Variants in GLCCI1 observed in about 807,000 individuals in gnomAD.
GLCCI1 encodes glucocorticoid induced 1, also known as glucocorticoid-induced transcript 1 protein.
A neutral mutation model predicts 52.2 loss-of-function variants in GLCCI1; 24 were observed. The ratio of observed to expected loss-of-function variants is 0.46; its 90% CI spans 0.33 to 0.65. The LOEUF is 0.65. Ranked by LOEUF, GLCCI1 falls within the 30% of genes least tolerant of loss-of-function variation. The pLI is 0.02. For synonymous variants in GLCCI1, 310 were observed against 276.5 expected (o/e 1.12, Z -1.20); for missense variants, 704 against 701.5 (o/e 1.00, Z -0.04).
At position 8,014,895 on chromosome 7, in the gene GLCCI1, T is replaced by C. The variant is rs116842399; in HGVS notation, c.610-7588T>C. ...TGGTATTATTATATTTGGTATTTTA[T>C]TGTTTTAAATTAATTTTTAAAAGTT... On this transcript the variant is annotated intron_variant, in intron 2 of 7. Coordinates refer to ENST00000223145, the MANE Select transcript of GLCCI1 (RefSeq NM_138426.4). Among the ~76,000 whole-genome samples, 1,030 of 152,332 alleles carry C rather than the reference T, an allele frequency of 6.8e-3. 27 individuals are homozygous for C. The East Asian group carries it at 0.084, about 12-fold the overall frequency.
At chr7:8,079,098 C>T (rs764918187) in intron 6 of GLCCI1, among the ~76,000 whole-genome samples, 9 of 151,906 alleles carry the variant, frequency 5.9e-5, no homozygotes, top group Non-Finnish European at 1.2e-4. Flanking sequence ...TTAGAAGTTC[C>T]AATGTTCTTT....
At chr7:7,987,622 C>T (rs188848943) in intron 1 of GLCCI1, among the ~76,000 whole-genome samples, 192 of 152,270 alleles carry the variant, frequency 1.3e-3, no homozygotes, top group Non-Finnish European at 2.2e-3. Context: ...GAGTCTCGCT[C>T]TGTTGCCCAG....
chr7:7,969,302 C>T lies in GLCCI1; in HGVS notation c.-49C>T. 2 of 1,381,724 alleles carry T rather than the reference C, an allele frequency of 1.4e-6. No individual in the cohort carries two copies. The highest frequency in any genetic ancestry group is 1.9e-6 in the Non-Finnish European group (2 of 1,059,866). 85.6% of individuals were successfully genotyped at this position (1,381,724 alleles called of 1,614,324 possible). On this transcript the variant is annotated 5_prime_UTR_variant, in exon 1 of 8. Transcript: ENST00000223145. The surrounding 1 kb of genome is among the most constrained non-coding windows in gnomAD (Gnocchi z 4.9). ...CTCCCACACGCTCGCGCGCCTCCCGCCCCGCGCCTCCGTGTCGGCCGGCGG... is the reference window on the plus strand; with the variant it reads ...CTCCCACACGCTCGCGCGCCTCCCGTCCCGCGCCTCCGTGTCGGCCGGCGG...
chr7:7,972,329 G>A (rs996233684), intron 1 of GLCCI1, among the ~76,000 whole-genome samples: 1 of 152,068 alleles, frequency 6.6e-6, no homozygotes, highest in Non-Finnish European at 1.5e-5. Context: ...GTGTATGTGT[G>A]TGTGTGTGTG....
chr7:8,056,485 A>G (rs1782400599), intron 4 of GLCCI1, among the ~76,000 whole-genome samples: 1 of 152,202 alleles, frequency 6.6e-6, no homozygotes, highest in Non-Finnish European at 1.5e-5. Context: ...CCTATTTTAC[A>G]TATGAAGAAA....
chr7:7,979,808 C>G (rs957288894), intron 1 of GLCCI1, among the ~76,000 whole-genome samples: 1 of 152,218 alleles, frequency 6.6e-6, no homozygotes, highest in Admixed American at 6.5e-5. Flanking sequence ...GTCTAAATAT[C>G]TGCTATTGCT....
intron 6 of GLCCI1, among the ~76,000 whole-genome samples, chr7:8,084,356 T>G (rs1783055574): frequency 6.6e-6 from 1 of 152,182 alleles, no homozygotes; most frequent in Non-Finnish European, 1.5e-5. Flanking sequence ...TCTGAGCAAA[T>G]TGTTTTTTAT....
In GLCCI1 at chr7:7,985,486, A is replaced by G. The variant is rs117908015; in HGVS notation, c.457+15679A>G. ...AAGATAAAACCAATGATGGGCACAC[A>G]TTTACCTGTGTAACAAACCTGCACG... On this transcript the variant is annotated intron_variant, in intron 1 of 7. Transcript: ENST00000223145. Among the ~76,000 whole-genome samples the G allele has an allele frequency of 1.5e-3, 229 of 152,212 alleles. 2 individuals are homozygous for G. The East Asian group carries it at 0.04, about 27-fold the overall frequency.
chr7:8,027,783 C>G (rs151333029), intron 3 of GLCCI1, among the ~76,000 whole-genome samples: 1 of 151,870 alleles, frequency 6.6e-6, no homozygotes, highest in Non-Finnish European at 1.5e-5. Context: ...GAAAGATATT[C>G]CATGCCAGTG....
chr7:7,971,911 T>A (rs1780361085), intron 1 of GLCCI1, among the ~76,000 whole-genome samples: 1 of 152,214 alleles, frequency 6.6e-6, no homozygotes, highest in African/African-American at 2.4e-5. Flanking sequence ...TTCTGCTGTT[T>A]TAAACACCAG....
chr7:7,988,277 T>G (rs37993), intron 1 of GLCCI1, among the ~76,000 whole-genome samples: 65,747 of 151,640 alleles, frequency 0.43, 14,497 homozygotes, highest in Middle Eastern at 0.52. Flanking sequence ...ATGAGCAGAG[T>G]TTTTTGTTTT....
chr7:8,030,159 AG>A (rs1315997885), intron 3 of GLCCI1, among the ~76,000 whole-genome samples: 2 of 152,204 alleles, frequency 1.3e-5, no homozygotes, highest in Non-Finnish European at 2.9e-5. Context: ...GAAGAGCTAT[AG>A]TAACCAAAAC....
chr7:8,057,891 C>T lies in GLCCI1; in HGVS notation c.814-2205C>T, dbSNP rs1782433766. Among the ~76,000 whole-genome samples, 3 of 152,088 alleles carry T rather than the reference C, an allele frequency of 2.0e-5. No individual in the cohort carries two copies. The South Asian group carries it at 6.2e-4, about 32-fold the overall frequency. On this transcript the variant is annotated intron_variant, in intron 4 of 7. Transcript: ENST00000223145. ...GTGGTTATTCTTAAAAATTATTATC[C>T]TTTGCTATACATACTGGAATATTTG...
chr7:8,022,590 G>C (rs200199074), intron 3 of GLCCI1, 21 bp downstream of exon 3: 1 of 1,495,790 alleles, frequency 6.7e-7, no homozygotes, highest in Non-Finnish European at 9.1e-7. Context: ...TCTGTTTTCC[G>C]TCTGTAACCT....
chr7:8,075,385 T>G (rs985895123), intron 6 of GLCCI1, among the ~76,000 whole-genome samples: 2 of 152,220 alleles, frequency 1.3e-5, no homozygotes, highest in East Asian at 1.9e-4. Context: ...CTACTACTGC[T>G]CTTCTCTGTG....
chr7:7,992,040 ATTTTTTCT>A (rs1292674632), intron 1 of GLCCI1, among the ~76,000 whole-genome samples: 1 of 135,568 alleles, frequency 7.4e-6, no homozygotes, highest in African/African-American at 2.7e-5. Context: ...ATTAGAATTT[ATTTTTTCT>A]TTCTTTCTTT....
chr7:8,022,945 T>A (rs1370985687), intron 3 of GLCCI1, among the ~76,000 whole-genome samples: 1 of 152,228 alleles, frequency 6.6e-6, no homozygotes, highest in Non-Finnish European at 1.5e-5. Flanking sequence ...TCAGCTTGCT[T>A]GTTTTTAAGT....
At chr7:7,982,092 C>A in intron 1 of GLCCI1, 1 of 463,278 alleles carries the variant, frequency 2.2e-6, no homozygotes, top group South Asian at 1.7e-5. Context: ...CGTAGCTGAT[C>A]GCAAGAGAGG....
chr7:8,046,932 T>A (rs771564170), intron 3 of GLCCI1, among the ~76,000 whole-genome samples: 22 of 152,104 alleles, frequency 1.4e-4, no homozygotes, highest in South Asian at 4.1e-4. Context: ...GGTTGAAAAT[T>A]TGTTAGATTT....
Sources: gnomAD v4.1 joint callset for allele counts (sites outside exome capture counted in the v4.1 genomes callset) on GRCh38, gnomAD v4.1.1 for gene constraint, Gnocchi (gnomAD v3.1) non-coding constraint, MANE v1.5 for transcripts, NCBI Gene and HGNC (gene_info 2026-07-23, HGNC 2026-07-21) for gene names.